Variants in TMEM117 observed in about 807,000 individuals in gnomAD.
TMEM117 encodes transmembrane protein 117.
A neutral mutation model predicts 52.4 loss-of-function variants in TMEM117; 27 were observed. That is an observed-to-expected ratio of 0.51 (90% CI 0.38 to 0.71). The LOEUF (loss-of-function observed/expected upper bound fraction) is 0.71, where lower values mean the gene tolerates loss of function less well. TMEM117 is among the 30% of genes least tolerant of loss of function. The pLI is 0.00. For synonymous variants in TMEM117, 215 were observed against 206.3 expected (o/e 1.04, Z -0.36); for missense variants, 556 against 630.5 (o/e 0.88, Z 1.26).
At chr12:43,817,267 G>A in the TMEM117 span, among the ~76,000 whole-genome samples, 1 of 152,152 alleles carries the variant, frequency 6.6e-6, no homozygotes, top group Non-Finnish European at 1.5e-5. Context: ...GGGATAATGA[G>A]CTAGTTAGGG....
intron 5 of TMEM117, among the ~76,000 whole-genome samples, chr12:44,249,521 C>T (rs1006533794): frequency 2.0e-5 from 3 of 152,144 alleles, no homozygotes; most frequent in Non-Finnish European, 2.9e-5. Flanking sequence ...CAAAAAAGAG[C>T]CTGTGTAGCC....
rs1012738430 is a variant in TMEM117, at chr12:44,129,062, A to G, written c.411-14463A>G. On this transcript the variant is annotated intron_variant, in intron 3 of 7. Transcript: ENST00000266534. Reference sequence around the variant, plus strand: ...GTGTGTCTTACTGTTAGTGTGCTACATGGTGTCATTGTTGAAGCTTGCTCC... The same window carrying G: ...GTGTGTCTTACTGTTAGTGTGCTACGTGGTGTCATTGTTGAAGCTTGCTCC... Among the ~76,000 whole-genome samples the G allele has an allele frequency of 2.6e-5, 4 of 152,146 alleles. No homozygotes were observed. In the East Asian group the frequency reaches 7.7e-4, roughly 29 times the overall value.
chr12:44,292,202 T>A (rs1950713516), intron 5 of TMEM117, among the ~76,000 whole-genome samples: 1 of 152,036 alleles, frequency 6.6e-6, no homozygotes, highest in African/African-American at 2.4e-5. Context: ...CTTGTATGTT[T>A]CTAGGAATTT....
rs527687563 is a variant in TMEM117 at position 43,881,511 on chromosome 12, C to T, written c.277+36583C>T. Among the ~76,000 whole-genome samples the T allele has an allele frequency of 2.6e-4, 40 of 152,156 alleles. No homozygotes were observed. The East Asian group carries it at 3.5e-3, about 13-fold the overall frequency. On this transcript the variant is annotated intron_variant, in intron 2 of 7. Transcript: ENST00000266534. Reference sequence around the variant, plus strand: ...TTTCACTCTTGAAAGACTTTAAGTCCGGGCGTGGAAGCTCATGCCTGTAAT... The same window carrying T: ...TTTCACTCTTGAAAGACTTTAAGTCTGGGCGTGGAAGCTCATGCCTGTAAT...
chr12:43,996,847 A>G (rs979149525), intron 3 of TMEM117, among the ~76,000 whole-genome samples: 2 of 152,136 alleles, frequency 1.3e-5, no homozygotes, highest in Non-Finnish European at 2.9e-5. Context: ...ACCTTAGGAA[A>G]AAAATTTTAA....
At position 43,840,900 on chromosome 12, in the gene TMEM117, G is replaced by T. The variant is rs147591854; in HGVS notation, c.-28-3724G>T. Among the ~76,000 whole-genome samples, 53 of 151,926 alleles carry T rather than the reference G, an allele frequency of 3.5e-4. 1 individual carries two copies. In the East Asian group the frequency reaches 0.01, roughly 29 times the overall value. ...TAAATTAACAGTAGATACACCAAAT[G>T]ATCATACTGATTGTAAAGATGTTTT... On this transcript the variant is annotated intron_variant, in intron 1 of 7. Transcript: ENST00000266534.
intron 5 of TMEM117, among the ~76,000 whole-genome samples, chr12:44,228,671 G>A (rs1949895109): frequency 6.6e-6 from 1 of 152,122 alleles, no homozygotes; most frequent in African/African-American, 2.4e-5. Flanking sequence ...CCATGTGAAG[G>A]TCTAGGACAA....
chr12:43,906,402 G>T (rs1250265361), intron 2 of TMEM117, among the ~76,000 whole-genome samples: 4 of 151,502 alleles, frequency 2.6e-5, no homozygotes, highest in African/African-American at 9.7e-5. Flanking sequence ...GACAGAGGTT[G>T]CAGTGAGCTG....
chr12:43,952,259 A>G (rs955826923), intron 3 of TMEM117, among the ~76,000 whole-genome samples: 3 of 152,174 alleles, frequency 2.0e-5, no homozygotes, highest in Non-Finnish European at 4.4e-5. Flanking sequence ...ATATCTCTCC[A>G]GCAACAGCAC....
chr12:44,327,961 A>T (rs1951218561), intron 6 of TMEM117, among the ~76,000 whole-genome samples: 1 of 152,166 alleles, frequency 6.6e-6, no homozygotes. Flanking sequence ...TGTGACTTAA[A>T]CATCCAGACC....
Position 44,055,183 on chromosome 12 carries a change from C to G in TMEM117, c.411-88342C>G, listed in dbSNP as rs1947035206. 2.0e-5 allele frequency among the ~76,000 whole-genome samples: 3 copies of G among 152,094 alleles called. No homozygotes were observed. The South Asian group carries it at 6.2e-4, about 32-fold the overall frequency. ...TTTTATTTAAAAAAACTCTGTAAAA[C>G]CTGTATAATTAGCAGGAAGCTCCTT... On this transcript the variant is annotated intron_variant, in intron 3 of 7. Coordinates refer to ENST00000266534, the MANE Select transcript of TMEM117 (RefSeq NM_032256.3).
chr12:44,385,664 C>T (rs1188283827), intron 7 of TMEM117, among the ~76,000 whole-genome samples: 1 of 152,156 alleles, frequency 6.6e-6, no homozygotes, highest in Non-Finnish European at 1.5e-5. Context: ...ACCTCTTCCC[C>T]CACCATCTGG....
At chr12:44,118,635 A>G (rs1232632225) in intron 3 of TMEM117, among the ~76,000 whole-genome samples, 1 of 152,202 alleles carries the variant, frequency 6.6e-6, no homozygotes, top group East Asian at 1.9e-4. Context: ...TTTAGTAGAA[A>G]TTGGTGAAAG....
At chr12:44,378,374 T>A (rs1951972074) in intron 7 of TMEM117, among the ~76,000 whole-genome samples, 1 of 152,202 alleles carries the variant, frequency 6.6e-6, no homozygotes, top group African/African-American at 2.4e-5. Flanking sequence ...AGATTTGTGG[T>A]GTCCAGAGTT....
intron 4 of TMEM117, among the ~76,000 whole-genome samples, chr12:44,182,952 A>C (rs1949225499): frequency 6.6e-6 from 1 of 152,166 alleles, no homozygotes; most frequent in Admixed American, 6.6e-5. Context: ...ACATACCTTT[A>C]CTTGATTTTT....
At chr12:43,995,717 T>C (rs1245176987) in intron 3 of TMEM117, among the ~76,000 whole-genome samples, 2 of 152,206 alleles carry the variant, frequency 1.3e-5, no homozygotes, top group African/African-American at 4.8e-5. Flanking sequence ...ATCTGGACTT[T>C]GTATGATCTG....
intron 6 of TMEM117, among the ~76,000 whole-genome samples, chr12:44,305,564 T>C (rs1592680001): frequency 6.7e-6 from 1 of 150,218 alleles, no homozygotes; most frequent in African/African-American, 2.4e-5. Flanking sequence ...ATGCTCATCA[T>C]CACTAATCAT....
At chr12:44,028,606 C>T (rs1946581330) in intron 3 of TMEM117, among the ~76,000 whole-genome samples, 1 of 152,218 alleles carries the variant, frequency 6.6e-6, no homozygotes, top group East Asian at 1.9e-4. Context: ...TGACAGTTTA[C>T]AAATGCCATG....
chr12:44,137,368 G>C (rs1948506320), intron 3 of TMEM117, among the ~76,000 whole-genome samples: 1 of 152,100 alleles, frequency 6.6e-6, no homozygotes, highest in Admixed American at 6.6e-5. Flanking sequence ...GCCATTATAA[G>C]TGTATTATGA....
Sources: gnomAD v4.1 joint callset for allele counts (sites outside exome capture counted in the v4.1 genomes callset) on GRCh38, gnomAD v4.1.1 for gene constraint, MANE v1.5 for transcripts, NCBI Gene and HGNC (gene_info 2026-07-23, HGNC 2026-07-21) for gene names.